Variants in WDR41 observed in about 807,000 individuals in gnomAD.
The protein encoded by WDR41 is WD repeat domain 41, also known as WD repeat-containing protein 41.
A neutral mutation model predicts 69.3 loss-of-function variants in WDR41; 63 were observed. That is an observed-to-expected ratio of 0.91 (90% CI 0.74 to 1.12). The LOEUF is 1.12. Ranked by LOEUF, WDR41 falls within the 50% of genes most tolerant of loss-of-function variation. The pLI is 0.00. For missense variants in WDR41, 543 were observed against 534.5 expected, an observed-to-expected ratio of 1.02 and a Z score of -0.16; for synonymous variants, 185 against 192.1, an observed-to-expected ratio of 0.96 and a Z score of 0.31.
chr5:77,434,760 C>A (rs149423752), intron 12 of WDR41, among the ~76,000 whole-genome samples: 2 of 152,082 alleles, frequency 1.3e-5, no homozygotes, highest in Admixed American at 1.3e-4. Context: ...ATTTTATCAA[C>A]GAAGCTGGAG....
At chr5:77,533,484 G>A (rs995128231) in intron 1 of WDR41, among the ~76,000 whole-genome samples, 1 of 152,026 alleles carries the variant, frequency 6.6e-6, no homozygotes, top group South Asian at 2.1e-4. Flanking sequence ...ACAAAGATAC[G>A]TTTTTCAGAC....
intron 1 of WDR41, among the ~76,000 whole-genome samples, chr5:77,529,048 G>T (rs757796534): frequency 6.6e-5 from 10 of 150,712 alleles, no homozygotes; most frequent in Non-Finnish European, 1.5e-4. Flanking sequence ...AATAAGGCAA[G>T]AAAAAAATTA....
intron 1 of WDR41, among the ~76,000 whole-genome samples, chr5:77,607,528 G>A (rs1190375083): frequency 6.6e-6 from 1 of 152,174 alleles, no homozygotes; most frequent in South Asian, 2.1e-4. Context: ...CAGGTCTACT[G>A]CTACTTACCT....
intron 1 of WDR41, among the ~76,000 whole-genome samples, chr5:77,577,343 G>A (rs1743854063): frequency 7.6e-6 from 1 of 131,120 alleles, no homozygotes; most frequent in African/African-American, 2.8e-5. Context: ...AAAGAAAAAT[G>A]GGCAAAGGAA....
chr5:77,576,306 C>G (rs1156502912), intron 1 of WDR41, among the ~76,000 whole-genome samples: 1 of 152,054 alleles, frequency 6.6e-6, no homozygotes, highest in African/African-American at 2.4e-5. Context: ...TCACTACCCC[C>G]CTCAACCTGA....
At position 77,433,030 on chromosome 5, in the gene WDR41, CA is replaced by C. The variant is rs959301679; in HGVS notation, c.*104del. The C allele has an allele frequency of 1.3e-4, 176 of 1,309,562 alleles. No individual in the cohort carries two copies. Among genetic ancestry groups the C allele is most frequent in the South Asian group, 3.1e-4 (17 of 55,064 alleles). The allele number at this position is 1,309,562 out of a possible 1,614,324, so 81.1% of individuals were successfully genotyped here. On this transcript the variant is annotated 3_prime_UTR_variant, in exon 13 of 13. Transcript: ENST00000296679. ...AAACATGTAGAATTTTATGGACTGA[CA>C]AAAAAAATTACCAATTTAAGTGATC...
At chr5:77,615,786 G>A (rs953457275) in intron 1 of WDR41, among the ~76,000 whole-genome samples, 1 of 150,994 alleles carries the variant, frequency 6.6e-6, no homozygotes, top group Admixed American at 6.6e-5. Context: ...TGAGGTCAGA[G>A]GTTCGAGACC....
At chr5:77,481,928 A>G (rs1801291032) in intron 2 of WDR41, among the ~76,000 whole-genome samples, 1 of 152,244 alleles carries the variant, frequency 6.6e-6, no homozygotes, top group Non-Finnish European at 1.5e-5. Context: ...AAGAGAAACA[A>G]GGGTGGTTCT....
At chr5:77,466,150 G>A (rs1178385334) in intron 2 of WDR41, among the ~76,000 whole-genome samples, 1 of 151,262 alleles carries the variant, frequency 6.6e-6, no homozygotes, top group Non-Finnish European at 1.5e-5. Flanking sequence ...TAGGTAACTA[G>A]CTAAAAATCA....
At chr5:77,570,789 A>C (rs1038290605) in intron 1 of WDR41, among the ~76,000 whole-genome samples, 3 of 151,968 alleles carry the variant, frequency 2.0e-5, no homozygotes, top group East Asian at 3.9e-4. Context: ...TTTGTTAAAA[A>C]CTTCAGTTAC....
intron 1 of WDR41, among the ~76,000 whole-genome samples, chr5:77,533,140 T>C (rs1561216638): frequency 6.6e-6 from 1 of 152,186 alleles, no homozygotes; most frequent in Non-Finnish European, 1.5e-5. Context: ...GTATTTCCCA[T>C]GAAATTCAGT....
intron 9 of WDR41, among the ~76,000 whole-genome samples, chr5:77,438,753 T>A (rs1799042398): frequency 6.6e-6 from 1 of 152,110 alleles, no homozygotes; most frequent in Non-Finnish European, 1.5e-5. Context: ...TTCTTCTGCC[T>A]GAAAAATGCA....
At chr5:77,437,656 T>G (rs1798994549) in intron 10 of WDR41, among the ~76,000 whole-genome samples, 1 of 152,168 alleles carries the variant, frequency 6.6e-6, no homozygotes, top group Non-Finnish European at 1.5e-5. Context: ...ATTCTCTCCA[T>G]TTAAAAAAAT....
chr5:77,475,662 C>G (rs995677211), intron 2 of WDR41, among the ~76,000 whole-genome samples: 113 of 152,164 alleles, frequency 7.4e-4, no homozygotes, highest in African/African-American at 2.5e-3. Context: ...ACACCAAAAA[C>G]CCATCTGTAC....
At chr5:77,602,144 CTT>C (rs558070506) in intron 1 of WDR41, among the ~76,000 whole-genome samples, 8 of 144,758 alleles carry the variant, frequency 5.5e-5, no homozygotes, top group African/African-American at 5.0e-5. Context: ...TCATTCTACT[CTT>C]TTTTTTTTTT....
intron 8 of WDR41, among the ~76,000 whole-genome samples, chr5:77,443,525 G>A (rs1047649436): frequency 6.6e-6 from 1 of 152,110 alleles, no homozygotes; most frequent in African/African-American, 2.4e-5. Context: ...AACTTGCTCT[G>A]TGGAGAAATC....
chr5:77,474,973 C>CCGAAGCAGGG, intron 2 of WDR41, among the ~76,000 whole-genome samples: 1 of 152,310 alleles, frequency 6.6e-6, no homozygotes, highest in Admixed American at 6.5e-5. Flanking sequence ...CGTGCGCGAG[C>CCGAAGCAGGG]CGAAGCAGGG....
intron 1 of WDR41, among the ~76,000 whole-genome samples, chr5:77,578,864 C>CAAAAAAAAAAAAAAAAAA (rs55920763): frequency 2.6e-5 from 2 of 77,204 alleles, no homozygotes; most frequent in African/African-American, 4.7e-5. Context: ...AACTCCATCT[C>CAAAAAAAAAAAAAAAAAA]AAAAAAAAAA....
chr5:77,593,483 T>A (rs190599285), intron 1 of WDR41, among the ~76,000 whole-genome samples: 493 of 152,258 alleles, frequency 3.2e-3, no homozygotes, highest in Non-Finnish European at 5.2e-3. Context: ...TGAATTACAG[T>A]AAATCCATAT....
Sources: gnomAD v4.1 joint callset for allele counts (sites outside exome capture counted in the v4.1 genomes callset) on GRCh38, gnomAD v4.1.1 for gene constraint, MANE v1.5 for transcripts, NCBI Gene and HGNC (gene_info 2026-07-23, HGNC 2026-07-21) for gene names.